Variants in MITF observed in about 807,000 individuals in gnomAD.
The protein encoded by MITF is microphthalmia-associated transcription factor.
A neutral mutation model predicts 60.5 loss-of-function variants in MITF; 17 were observed. The ratio of observed to expected loss-of-function variants is 0.28; its 90% confidence interval spans 0.19 to 0.42. The LOEUF (loss-of-function observed/expected upper bound fraction) is 0.42. MITF is among the 10% of genes least tolerant of loss of function. MITF has a pLI of 1.00. For synonymous variants in MITF, 260 were observed against 248.5 expected (o/e 1.05, Z -0.43); for missense variants, 622 against 683.5 (o/e 0.91, Z 1.00).
chr3:69,796,879 GC>G (rs1421900042), intron 1 of MITF, among the ~76,000 whole-genome samples: 2 of 152,148 alleles, frequency 1.3e-5, no homozygotes, highest in African/African-American at 4.8e-5. Flanking sequence ...AAATACTTGA[GC>G]AAATGCCACC....
intron 1 of MITF, among the ~76,000 whole-genome samples, chr3:69,802,857 A>G (rs898363407): frequency 2.0e-5 from 3 of 151,180 alleles, no homozygotes; most frequent in Non-Finnish European, 3.0e-5. Context: ...ATGCCTAGCT[A>G]ATTTTGTATT....
chr3:69,917,669 A>G (rs981364990), intron 2 of MITF, among the ~76,000 whole-genome samples: 2 of 152,098 alleles, frequency 1.3e-5, no homozygotes, highest in African/African-American at 4.8e-5. Context: ...CAACATGTAA[A>G]GAGTCAAGAA....
chr3:69,806,929 G>A (rs933508417), intron 1 of MITF, among the ~76,000 whole-genome samples: 1 of 152,172 alleles, frequency 6.6e-6, no homozygotes, highest in Non-Finnish European at 1.5e-5. Context: ...AGTAAAATGA[G>A]TAATGCAAGG....
intron 3 of MITF, 156 bp from the exon 4 acceptor site, chr3:69,938,942 A>G: frequency 6.6e-7 from 1 of 1,511,442 alleles, no homozygotes; most frequent in Non-Finnish European, 8.9e-7. Context: ...GATTTGACAC[A>G]AGTTCTTCCT....
chr3:69,824,475 A>G (rs998616098), intron 1 of MITF, among the ~76,000 whole-genome samples: 2 of 152,114 alleles, frequency 1.3e-5, no homozygotes, highest in Admixed American at 1.3e-4. Flanking sequence ...GTGAAAATGG[A>G]CCTGAACTCT....
intron 2 of MITF, among the ~76,000 whole-genome samples, chr3:69,926,246 G>C (rs547306334): frequency 4.6e-5 from 7 of 152,296 alleles, no homozygotes; most frequent in African/African-American, 1.7e-4. Context: ...AGCCAATGCA[G>C]TTTCTCAAAA....
At chr3:69,833,790 C>T (rs2063494229) in intron 1 of MITF, among the ~76,000 whole-genome samples, 1 of 152,094 alleles carries the variant, frequency 6.6e-6, no homozygotes, top group Admixed American at 6.6e-5. Flanking sequence ...TGGTTGCTTC[C>T]CTGTTTACAC....
At chr3:69,888,831 G>C (rs1000885687) in intron 2 of MITF, among the ~76,000 whole-genome samples, 1 of 151,894 alleles carries the variant, frequency 6.6e-6, no homozygotes, top group East Asian at 1.9e-4. Context: ...GCCCCATTCA[G>C]CATTTTACTG....
chr3:69,748,944 A>G (rs1227153289), intron 1 of MITF, among the ~76,000 whole-genome samples: 3 of 152,226 alleles, frequency 2.0e-5, no homozygotes, highest in Non-Finnish European at 4.4e-5. Flanking sequence ...AAATTACGAA[A>G]TGACAGACAG....
chr3:69,954,074 A>G (rs1267580642), intron 7 of MITF, among the ~76,000 whole-genome samples: 3 of 152,074 alleles, frequency 2.0e-5, no homozygotes, highest in African/African-American at 4.8e-5. Flanking sequence ...ATTTTTTACT[A>G]GCTTATATCT....
chr3:69,936,658 A>C, intron 2 of MITF: 1 of 1,607,874 alleles, frequency 6.2e-7, no homozygotes, highest in Non-Finnish European at 8.5e-7. Flanking sequence ...AATTGGAATT[A>C]TAGAAAGTAG....
At chr3:69,863,975 C>T (rs2064064148) in intron 1 of MITF, among the ~76,000 whole-genome samples, 1 of 152,108 alleles carries the variant, frequency 6.6e-6, no homozygotes, top group Non-Finnish European at 1.5e-5. Flanking sequence ...CACTCTGTCT[C>T]ATTTCTCTTA....
intron 1 of MITF, among the ~76,000 whole-genome samples, chr3:69,803,601 T>C (rs1365139377): frequency 6.6e-6 from 1 of 152,206 alleles, no homozygotes; most frequent in Non-Finnish European, 1.5e-5. Flanking sequence ...AAAGGTTGAA[T>C]TGAATAAAAG....
At chr3:69,894,949 C>G (rs1043823669) in intron 2 of MITF, among the ~76,000 whole-genome samples, 1 of 152,174 alleles carries the variant, frequency 6.6e-6, no homozygotes, top group Non-Finnish European at 1.5e-5. Flanking sequence ...ACAATTGATA[C>G]TGCAACCATG....
At chr3:69,878,804 G>A (rs2064413101) in intron 1 of MITF, among the ~76,000 whole-genome samples, 1 of 151,962 alleles carries the variant, frequency 6.6e-6, no homozygotes, top group Admixed American at 6.6e-5. Flanking sequence ...CCATTAAGAT[G>A]CTTTGCTTCT....
At position 69,966,703 on chromosome 3, in the gene MITF, C is replaced by A. The variant is rs2066697856; in HGVS notation, c.*1455C>A. On this transcript the variant is annotated 3_prime_UTR_variant, in exon 10 of 10. Transcript: ENST00000352241. The stretch of plus-strand genomic sequence containing the variant: ...GTCCTATGCAATAACAGTAGTGTTA[C>A]ATGTATCAAGCCTAGATGTTTTATA... 3 of 232,840 alleles carry A rather than the reference C, an allele frequency of 1.3e-5. No individual in the cohort carries two copies. The highest frequency in any genetic ancestry group is 6.6e-5 in the African/African-American group (3 of 45,332). The allele number at this position is 232,840 out of a possible 1,614,324, so 14.4% of individuals were successfully genotyped here.
intron 1 of MITF, among the ~76,000 whole-genome samples, chr3:69,873,028 G>GGAC (rs1559688538): frequency 5.4e-4 from 82 of 151,134 alleles, no homozygotes; most frequent in African/African-American, 2.0e-3. Flanking sequence ...GAGACCTGGA[G>GGAC]TATTTATTAT....
intron 2 of MITF, among the ~76,000 whole-genome samples, chr3:69,926,032 A>G (rs2065578058): frequency 6.6e-6 from 1 of 152,126 alleles, no homozygotes; most frequent in Non-Finnish European, 1.5e-5. Context: ...CAGCACCTAG[A>G]TGAGTGCTGA....
At chr3:69,864,555 G>A (rs1264316525) in intron 1 of MITF, among the ~76,000 whole-genome samples, 5 of 152,074 alleles carry the variant, frequency 3.3e-5, no homozygotes, top group African/African-American at 1.2e-4. Context: ...AGCTAACTCT[G>A]ACAGTTTTCT....
Sources: allele counts gnomAD v4.1 joint callset (sites outside exome capture counted in the v4.1 genomes callset), GRCh38; gene constraint gnomAD v4.1.1; transcripts MANE v1.5; gene names NCBI Gene and HGNC (gene_info 2026-07-23, HGNC 2026-07-21).